The following POLD2 variants were observed in gnomAD, a reference collection of about 807,000 sequenced individuals.
The protein encoded by POLD2 is DNA polymerase delta subunit 2.
Under a neutral mutation model 48.8 loss-of-function variants are expected in POLD2, and 31 were observed. That is an observed-to-expected ratio of 0.64 (90% CI 0.48 to 0.86). The LOEUF is 0.86. Ranked by LOEUF, POLD2 falls within the 40% of genes least tolerant of loss-of-function variation. The probability of loss-of-function intolerance (pLI) is 0.00; values close to 1 mark genes in which losing one functional copy is unlikely to be tolerated. For synonymous variants in POLD2, 233 were observed against 256.3 expected (o/e 0.91, Z 0.87); for missense variants, 455 against 610.1 (o/e 0.75, Z 2.68).
Position 44,118,765 on chromosome 7 carries a change from C to T in POLD2, c.221-701G>A, listed in dbSNP as rs562268278. On this transcript the variant is annotated intron_variant, in intron 2 of 10. Coordinates refer to ENST00000610533, the MANE Select transcript of POLD2 (RefSeq NM_006230.4). ...CAATCTCTTGACCTTGTGATCTGCCCGCCTCGGCCTCCCAAAGTGCTGGGA... is the reference window on the plus strand; with the variant it reads ...CAATCTCTTGACCTTGTGATCTGCCTGCCTCGGCCTCCCAAAGTGCTGGGA... Among the ~76,000 whole-genome samples, 8 of 152,076 alleles carry T rather than the reference C, an allele frequency of 5.3e-5. No individual in the cohort carries two copies. The South Asian group carries it at 8.3e-4, about 16-fold the overall frequency.
rs762132464 is a variant in POLD2, at chr7:44,116,940, C to G, written c.657G>C (p.Val219=). 6.2e-7 allele frequency: 1 copy of G among 1,613,862 alleles called. No homozygotes were observed. Among genetic ancestry groups the G allele is most frequent in the Non-Finnish European group, 8.5e-7 (1 of 1,180,008 alleles). The part of the protein sequence containing the change: ...GESLLGTQLL[V]DVVTGQLGDE... Reference sequence around the variant, plus strand: ...CCCCAAGCTGCCCCGTCACCACATCCACCAGCAGCTGGGTGCCCAGCAGGC... The same window carrying G: ...CCCCAAGCTGCCCCGTCACCACATCGACCAGCAGCTGGGTGCCCAGCAGGC... The change falls in exon 6 of 11, where the codon GTG becomes GTC. Residue 219 remains valine (V), a synonymous_variant. Coordinates refer to ENST00000610533, the MANE Select transcript of POLD2 (RefSeq NM_006230.4). This position sits in a 1 kb window ranked among gnomAD's most constrained non-coding sequence, Gnocchi z 6.1.
intron 4 of POLD2, 110 bp downstream of exon 4, chr7:44,117,509 C>T: frequency 7.3e-7 from 1 of 1,367,972 alleles, no homozygotes; most frequent in South Asian, 1.4e-5. Flanking sequence ...ACACGTGTGC[C>T]CAGGCCACAC....
At chr7:44,123,067 G>T in intron 1 of POLD2, 2 of 238,780 alleles carry the variant, frequency 8.4e-6, no homozygotes, top group Non-Finnish European at 1.5e-5. Flanking sequence ...TCTAAGAATA[G>T]TACAAAGAAT....
chr7:44,119,245 G>A (rs1490148021), intron 2 of POLD2, among the ~76,000 whole-genome samples: 1 of 152,142 alleles, frequency 6.6e-6, no homozygotes, highest in Non-Finnish European at 1.5e-5. Context: ...ATCAGTGAGG[G>A]CAGGAGGGAG....
At chr7:44,115,708 A>C in intron 9 of POLD2, 58 bp downstream of exon 9, 2 of 1,589,602 alleles carry the variant, frequency 1.3e-6, no homozygotes, top group Non-Finnish European at 1.7e-6. Flanking sequence ...TGTGCACTTC[A>C]GGGTCCTGCC....
At chr7:44,119,085 C>T (rs775878724) in intron 2 of POLD2, among the ~76,000 whole-genome samples, 25 of 150,324 alleles carry the variant, frequency 1.7e-4, no homozygotes, top group Non-Finnish European at 3.4e-4. Context: ...ACCTCAGATC[C>T]CCTCCACCCA....
chr7:44,117,528 T>A (rs2096242057), intron 4 of POLD2, 91 bp downstream of exon 4: 414 of 1,204,738 alleles, frequency 3.4e-4, no homozygotes, highest in Middle Eastern at 5.4e-4. Flanking sequence ...ACCCCCCCAC[T>A]CCCCCCAGGC....
chr7:44,118,203 C>T (rs922777192), intron 2 of POLD2, 139 bp from the exon 3 acceptor site: 27 of 957,864 alleles, frequency 2.8e-5, no homozygotes, highest in Admixed American at 1.2e-4. Context: ...AGTACAAGGA[C>T]CCCCTGGACT....
chr7:44,116,161 G>A lies in POLD2; in HGVS notation c.973C>T (p.Leu325Phe), dbSNP rs1407928860. The change falls in exon 8 of 11, where the codon CTC (leucine) becomes TTC (phenylalanine). Residue 325 changes from leucine to phenylalanine, a missense_variant. By Grantham distance (22) the Leu-to-Phe change is conservative (BLOSUM62 0). Transcript: ENST00000610533. This position sits in a 1 kb window ranked among gnomAD's most constrained non-coding sequence, Gnocchi z 6.1. ...TGGTAGGGGTTGGTGACCAGCTGGA[G>A]CGTGGAGTAGGCAGTGGCCAGCGGG... ...MFPLATAYST[L>F]QLVTNPYQAT... 1.2e-6 allele frequency: 2 copies of A among 1,613,800 alleles called. No individual in the cohort carries two copies. The highest frequency in any genetic ancestry group is 3.3e-5 in the Admixed American group (2 of 60,026).
At chr7:44,117,106 T>C (rs758299753) in intron 5 of POLD2, 27 bp downstream of exon 5, 1 of 1,607,402 alleles carries the variant, frequency 6.2e-7, no homozygotes, top group South Asian at 1.1e-5. Flanking sequence ...CATGAGCTGG[T>C]TCCAGCTCCC....
At position 44,117,996 on chromosome 7, in the gene POLD2, G is replaced by T; in HGVS notation, c.289C>A (p.Leu97Met). The T allele has an allele frequency of 6.2e-7, 1 of 1,614,202 alleles. No individual in the cohort carries two copies. The highest frequency in any genetic ancestry group is 8.5e-7 in the Non-Finnish European group (1 of 1,180,016). The change falls in exon 3 of 11, where the codon CTG becomes ATG. Residue 97 changes from leucine to methionine, a missense_variant. Physicochemically the swap from Leu to Met is conservative, Grantham distance 15. Transcript: ENST00000610533. The stretch of plus-strand genomic sequence containing the variant: ...GGCTGCAGCGGCATGGCCTTGAACA[G>T]AGTGCCCACCACACAGCACTTCTCC... ...PEEKCCVVGT[L>M]FKAMPLQPSI...
At chr7:44,122,676 G>A (rs560974367) in intron 1 of POLD2, among the ~76,000 whole-genome samples, 1 of 152,252 alleles carries the variant, frequency 6.6e-6, no homozygotes, top group East Asian at 1.9e-4. Flanking sequence ...CTCCCCTCCT[G>A]GTTCCCACTC....
intron 2 of POLD2, chr7:44,118,342 G>A (rs191799602): frequency 2.8e-4 from 91 of 322,394 alleles, no homozygotes; most frequent in African/African-American, 1.8e-3. Context: ...GTGTGAAGAC[G>A]GGCAGAGCGG....
chr7:44,115,186 C>A, intron 10 of POLD2, 109 bp downstream of exon 10: 2 of 855,378 alleles, frequency 2.3e-6, no homozygotes, highest in South Asian at 2.9e-5. Flanking sequence ...CTGTCCATCC[C>A]ACAAGGGCCA....
chr7:44,116,539 GC>G lies in POLD2; in HGVS notation c.781-30del. The G allele has an allele frequency of 1.3e-6, 2 of 1,525,790 alleles. No individual in the cohort carries two copies. Among genetic ancestry groups the G allele is most frequent in the Non-Finnish European group, 1.8e-6 (2 of 1,121,990 alleles). The allele number at this position is 1,525,790 out of a possible 1,614,324, so 94.5% of individuals were successfully genotyped here. Reference sequence around the variant, plus strand: ...GAATAGAAGCCCAGAAGGCCATCAGGCCCAGGCGAGTCCCAGGCTCAGAGGA... The same window carrying G: ...GAATAGAAGCCCAGAAGGCCATCAGGCCAGGCGAGTCCCAGGCTCAGAGGA... On this transcript the variant is annotated intron_variant, in intron 6 of 10. Coordinates refer to ENST00000610533, the MANE Select transcript of POLD2 (RefSeq NM_006230.4). This position sits in a 1 kb window ranked among gnomAD's most constrained non-coding sequence, Gnocchi z 6.1.
At chr7:44,117,573 G>T in intron 4 of POLD2, 46 bp downstream of exon 4, 1 of 1,573,482 alleles carries the variant, frequency 6.4e-7, no homozygotes, top group African/African-American at 1.4e-5. Context: ...CACCACCGCT[G>T]GGCTCTTCAC....
rs1019270783 is a variant in POLD2, at chr7:44,121,435, C to T, written c.220+399G>A. 3.9e-5 allele frequency among the ~76,000 whole-genome samples: 6 copies of T among 152,194 alleles called. No homozygotes were observed. The highest frequency in any genetic ancestry group is 5.9e-5 in the Non-Finnish European group (4 of 68,028). ...CATGAGTGAACAGAGGGGGTCCCCT[C>T]GAGACCAGAGAGTGCATCCTCACCA... On this transcript the variant is annotated intron_variant, in intron 2 of 10. Coordinates refer to ENST00000610533, the MANE Select transcript of POLD2 (RefSeq NM_006230.4). The surrounding 1 kb of genome is among the most constrained non-coding windows in gnomAD (Gnocchi z 4.5).
At position 44,121,413 on chromosome 7, in the gene POLD2, G is replaced by T. The variant is rs889566356; in HGVS notation, c.220+421C>A. Among the ~76,000 whole-genome samples the T allele has an allele frequency of 2.6e-5, 4 of 152,190 alleles. No individual in the cohort carries two copies. The highest frequency in any genetic ancestry group is 9.7e-5 in the African/African-American group (4 of 41,440). ...GCCAGGAGGAGAGGCAAACAGACATGAGTGAACAGAGGGGGTCCCCTCGAG... is the reference window on the plus strand; with the variant it reads ...GCCAGGAGGAGAGGCAAACAGACATTAGTGAACAGAGGGGGTCCCCTCGAG... On this transcript the variant is annotated intron_variant, in intron 2 of 10. Transcript: ENST00000610533. The surrounding 1 kb of genome is among the most constrained non-coding windows in gnomAD (Gnocchi z 4.5).
At chr7:44,118,824 TGTTG>T (rs1402142203) in intron 2 of POLD2, among the ~76,000 whole-genome samples, 1 of 152,166 alleles carries the variant, frequency 6.6e-6, no homozygotes, top group African/African-American at 2.4e-5. Flanking sequence ...CGGCCATGTC[TGTTG>T]TTTTAAGTCA....
Sources: allele counts gnomAD v4.1 joint callset (sites outside exome capture counted in the v4.1 genomes callset), GRCh38; gene constraint gnomAD v4.1.1; non-coding constraint Gnocchi (gnomAD v3.1); transcripts MANE v1.5; gene names NCBI Gene and HGNC (gene_info 2026-07-23, HGNC 2026-07-21).